Variants in PIR observed in about 807,000 individuals in gnomAD.
PIR encodes pirin (iron-binding nuclear protein).
A neutral mutation model predicts 24.2 loss-of-function variants in PIR; 22 were observed. The ratio of observed to expected loss-of-function variants is 0.91; its 90% CI spans 0.65 to 1.30. The LOEUF is 1.30. PIR is among the 50% of genes most tolerant of loss of function. The pLI, the probability that PIR is intolerant of heterozygous loss-of-function variation, is 0.00. For missense variants in PIR, 220 were observed against 220.3 expected, an observed-to-expected ratio of 1.00 and a Z score of 0.01; for synonymous variants, 80 against 79.6, an observed-to-expected ratio of 1.00 and a Z score of -0.03.
chrX:15,449,628 G>A (rs1336873388), intron 5 of PIR, among the ~76,000 whole-genome samples: 2 of 111,856 alleles, frequency 1.8e-5, no homozygotes, highest in African/African-American at 6.5e-5. Context: ...GCCATCCAAT[G>A]TTTTAAAATG....
At chrX:15,390,159 G>GA in intron 9 of PIR, 26 bp downstream of exon 9, 1 of 948,773 alleles carries the variant, frequency 1.1e-6, no homozygotes, top group Non-Finnish European at 1.5e-6. Flanking sequence ...AATCAACCAA[G>GA]AAAATCATTG....
At chrX:15,444,825 G>A (rs771149953) in intron 5 of PIR, among the ~76,000 whole-genome samples, 1 of 111,345 alleles carries the variant, frequency 9.0e-6, no homozygotes, top group Admixed American at 9.6e-5. Context: ...CTCCTGACAA[G>A]CAGAGCTGCC....
At chrX:15,387,068 C>CTTTTTTTTTTT (rs1390976014) in intron 9 of PIR, among the ~76,000 whole-genome samples, 1 of 62,104 alleles carries the variant, frequency 1.6e-5, no homozygotes, top group Admixed American at 2.1e-4. Flanking sequence ...TTTTTCTTTT[C>CTTTTTTTTTTT]TTTTCTTTTT....
intron 6 of PIR, among the ~76,000 whole-genome samples, chrX:15,423,120 A>T (rs931982350): frequency 3.6e-5 from 4 of 112,193 alleles, no homozygotes; most frequent in Non-Finnish European, 7.5e-5. Flanking sequence ...ATAAACAAAA[A>T]TCAAATCAAA....
chrX:15,437,940 C>T (rs538947659), intron 5 of PIR, among the ~76,000 whole-genome samples: 41 of 112,706 alleles, frequency 3.6e-4, no homozygotes, highest in Admixed American at 1.7e-3. Context: ...TTCCCTCTTA[C>T]GCAACCTTGT....
intron 5 of PIR, among the ~76,000 whole-genome samples, chrX:15,427,192 A>T (rs1205538461): frequency 9.0e-6 from 1 of 111,089 alleles, no homozygotes; most frequent in East Asian, 2.8e-4. Flanking sequence ...GTCAGAAGTC[A>T]CAAAATTAGT....
chrX:15,417,734 T>C (rs945926592), intron 6 of PIR, among the ~76,000 whole-genome samples: 1 of 111,560 alleles, frequency 9.0e-6, no homozygotes, highest in Non-Finnish European at 1.9e-5. Context: ...CACTAATCCT[T>C]GGCTTGTGGG....
intron 3 of PIR, among the ~76,000 whole-genome samples, chrX:15,461,712 G>A (rs1161462066): frequency 8.9e-6 from 1 of 112,051 alleles, no homozygotes; most frequent in Non-Finnish European, 1.9e-5. Flanking sequence ...CAACTCGGGA[G>A]GCAGAGGTTG....
At chrX:15,446,530 C>T (rs1050185415) in intron 5 of PIR, among the ~76,000 whole-genome samples, 1 of 111,669 alleles carries the variant, frequency 9.0e-6, no homozygotes, top group South Asian at 3.8e-4. Flanking sequence ...TATAAATTTG[C>T]GTTGGGCCAT....
At chrX:15,417,139 G>A (rs1251163009) in intron 6 of PIR, among the ~76,000 whole-genome samples, 2 of 110,694 alleles carry the variant, frequency 1.8e-5, no homozygotes, top group Non-Finnish European at 3.8e-5. Context: ...TAGTAGAGAT[G>A]GGGTTTTGCC....
At chrX:15,431,641 C>T (rs1007739702) in intron 5 of PIR, among the ~76,000 whole-genome samples, 2 of 105,714 alleles carry the variant, frequency 1.9e-5, no homozygotes, top group African/African-American at 7.0e-5. Context: ...AAATTAATTG[C>T]TGAAAAAAGG....
At chrX:15,493,044 T>C (rs1569214691) in intron 1 of PIR, 146 bp downstream of exon 1, 1 of 112,592 alleles carries the variant, frequency 8.9e-6, no homozygotes, top group East Asian at 2.8e-4. Flanking sequence ...CCGTCTACCA[T>C]TTTCACCAAA....
At chrX:15,457,688 T>G (rs1569206814) in intron 4 of PIR, among the ~76,000 whole-genome samples, 1 of 111,623 alleles carries the variant, frequency 9.0e-6, no homozygotes, top group African/African-American at 3.3e-5. Flanking sequence ...CATTATTAGT[T>G]GAAGGATCTG....
intron 3 of PIR, among the ~76,000 whole-genome samples, chrX:15,466,414 T>C (rs1441691727): frequency 1.8e-5 from 2 of 111,827 alleles, no homozygotes; most frequent in African/African-American, 6.5e-5. Context: ...GCCACCACCC[T>C]GCAGAAGCAC....
chrX:15,431,095 C>A (rs916653241), intron 5 of PIR, among the ~76,000 whole-genome samples: 1 of 111,871 alleles, frequency 8.9e-6, no homozygotes, highest in African/African-American at 3.3e-5. Context: ...GAAATGCACT[C>A]AAATTGTCAA....
chrX:15,483,174 T>G (rs5015234), intron 2 of PIR, among the ~76,000 whole-genome samples: 96 of 98,673 alleles, frequency 9.7e-4, no homozygotes, highest in Non-Finnish European at 9.5e-4. Flanking sequence ...CATATATATA[T>G]AAATTCAACA....
At chrX:15,398,669 G>GGTGTGTGTGTGTGTGTGTGTGTGT in intron 7 of PIR, among the ~76,000 whole-genome samples, 1 of 76,112 alleles carries the variant, frequency 1.3e-5, no homozygotes, top group Non-Finnish European at 2.5e-5. Flanking sequence ...GAGGAGGGAG[G>GGTGTGTGTGTGTGTGTGTGTGTGT]GTGTGTGTGT....
chrX:15,402,577 T>G (rs1924424374), intron 7 of PIR, among the ~76,000 whole-genome samples: 1 of 111,626 alleles, frequency 9.0e-6, no homozygotes, highest in African/African-American at 3.3e-5. Flanking sequence ...AAGTTATTAT[T>G]CACTATAGTC....
chrX:15,407,448 C>T, intron 7 of PIR, 58 bp downstream of exon 7: 1 of 883,716 alleles, frequency 1.1e-6, no homozygotes. Context: ...ACCTTTTCTC[C>T]CTTCAGTAGT....
Sources: allele counts gnomAD v4.1 joint callset (sites outside exome capture counted in the v4.1 genomes callset), GRCh38; gene constraint gnomAD v4.1.1; transcripts MANE v1.5; gene names NCBI Gene and HGNC (gene_info 2026-07-23, HGNC 2026-07-21).